CEP95: variants seen among roughly 807,000 people sequenced by gnomAD.
CEP95 encodes the protein centrosomal protein 95, also known as centrosomal protein of 95 kDa.
In CEP95, 98 loss-of-function variants were observed where a neutral mutation model predicts 111.2. The observed-to-expected ratio is 0.88, with a 90% CI of 0.75 to 1.04. The LOEUF (loss-of-function observed/expected upper bound fraction) is 1.04, where lower values mean the gene tolerates loss of function less well. CEP95 is among the 50% of genes least tolerant of loss of function. The pLI is 0.00. For missense variants in CEP95, 1,027 were observed against 977.2 expected, an observed-to-expected ratio of 1.05 and a Z score of -0.68; for synonymous variants, 323 against 327.1, an observed-to-expected ratio of 0.99 and a Z score of 0.14.
chr17:64,508,304 T>C, intron 1 of CEP95: 1 of 992,942 alleles, frequency 1.0e-6, no homozygotes, highest in Non-Finnish European at 1.2e-6. Flanking sequence ...GTAAGGCTTA[T>C]ATAAGTAACT....
At chr17:64,520,261 GA>G (rs1294522407) in intron 6 of CEP95, among the ~76,000 whole-genome samples, 1 of 152,190 alleles carries the variant, frequency 6.6e-6, no homozygotes, top group Non-Finnish European at 1.5e-5. Flanking sequence ...TATAAGTAGA[GA>G]GGGGAATTGT....
At chr17:64,523,683 G>T (rs538011139) in intron 8 of CEP95, among the ~76,000 whole-genome samples, 1 of 152,182 alleles carries the variant, frequency 6.6e-6, no homozygotes, top group African/African-American at 2.4e-5. Context: ...GGAGGCTCAT[G>T]TGAGTGCCAG....
At chr17:64,519,803 A>G (rs1967173667) in intron 6 of CEP95, among the ~76,000 whole-genome samples, 3 of 152,276 alleles carry the variant, frequency 2.0e-5, no homozygotes, top group East Asian at 3.9e-4. Context: ...ATAAGTTCGT[A>G]TATGCAGTAG....
chr17:64,514,557 A>G, intron 4 of CEP95, 199 bp downstream of exon 4: 1 of 426,832 alleles, frequency 2.3e-6, no homozygotes, highest in Non-Finnish European at 4.2e-6. Context: ...TTCTTTATCA[A>G]CTTGGATGTT....
chr17:64,520,171 T>C (rs1165902494), intron 6 of CEP95, among the ~76,000 whole-genome samples: 1 of 152,170 alleles, frequency 6.6e-6, no homozygotes, highest in Non-Finnish European at 1.5e-5. Context: ...GAAGGGATGG[T>C]GATTGCAGAA....
rs782718659 is a variant in CEP95 at position 64,510,165 on chromosome 17, C to G, written c.149-8C>G. 8 of 1,549,670 alleles carry G rather than the reference C, an allele frequency of 5.2e-6. No homozygotes were observed. In the East Asian group the frequency reaches 6.8e-5, roughly 13 times the overall value. On this transcript the variant is annotated splice_polypyrimidine_tract_variant and splice_region_variant and intron_variant, in intron 2 of 19. Transcript: ENST00000556440. ...GATACAAAATTATGTGATTTTTTCCCCCCCCAGACCTCATAGTTATTCCTA... is the reference window on the plus strand; with the variant it reads ...GATACAAAATTATGTGATTTTTTCCGCCCCCAGACCTCATAGTTATTCCTA...
intron 1 of CEP95, 123 bp downstream of exon 1, chr17:64,507,239 C>A: frequency 6.6e-7 from 1 of 1,520,610 alleles, no homozygotes; most frequent in South Asian, 1.2e-5. Context: ...GACGCCGCGT[C>A]GCGCTGGCGG....
At chr17:64,508,510 G>C in intron 1 of CEP95, 82 bp from the exon 2 acceptor site, 2 of 1,236,796 alleles carry the variant, frequency 1.6e-6, no homozygotes, top group Non-Finnish European at 2.1e-6. Flanking sequence ...TGTTGGGGGG[G>C]AGGTTGTTGG....
chr17:64,522,985 T>G, intron 8 of CEP95, 90 bp downstream of exon 8: 1 of 849,178 alleles, frequency 1.2e-6, no homozygotes, highest in East Asian at 2.9e-5. Context: ...AGGCCGTGTG[T>G]GTGTATGTGT....
Position 64,525,722 on chromosome 17 carries a change from T to G in CEP95, c.910-48T>G, listed in dbSNP as rs782787098. On this transcript the variant is annotated intron_variant, in intron 8 of 19. Transcript: ENST00000556440. ...TTCCTCACTCCCAGAAAGTTCATGT[T>G]TCTTATTTGTAGCTTTTTCAAATCA... 14 of 1,257,526 alleles carry G rather than the reference T, an allele frequency of 1.1e-5. No homozygotes were observed. In the Admixed American group the frequency reaches 2.9e-4, roughly 26 times the overall value. 77.9% of individuals were successfully genotyped at this position (1,257,526 alleles called of 1,614,324 possible).
intron 11 of CEP95, among the ~76,000 whole-genome samples, chr17:64,527,814 CTGCTGGACA>C (rs1967944935): frequency 6.6e-6 from 1 of 150,960 alleles, no homozygotes; most frequent in Non-Finnish European, 1.5e-5. Context: ...ATTTCCCCTA[CTGCTGGACA>C]TGACTGAGTT....
At chr17:64,514,171 T>C (rs1440975592) in intron 3 of CEP95, 77 bp from the exon 4 acceptor site, 4 of 614,414 alleles carry the variant, frequency 6.5e-6, no homozygotes, top group Middle Eastern at 4.3e-4. Context: ...TTCACAATGT[T>C]ATATCCAAGT....
Position 64,518,731 on chromosome 17 carries a change from A to G in CEP95, c.474-590A>G, listed in dbSNP as rs186676614. 4.9e-4 allele frequency among the ~76,000 whole-genome samples: 75 copies of G among 151,832 alleles called. No homozygotes were observed. The East Asian group carries it at 0.014, about 27-fold the overall frequency. On this transcript the variant is annotated intron_variant, in intron 5 of 19. Transcript: ENST00000556440. ...GTTTTGCTCTTGTTGCCCAGGCTGG[A>G]GTGCAGTGGTGCAATCTCGGCTCAC...
chr17:64,507,456 A>G (rs2144306637), intron 1 of CEP95: 2 of 1,316,160 alleles, frequency 1.5e-6, no homozygotes, highest in South Asian at 3.6e-5. Flanking sequence ...CCGCCCTTGC[A>G]CTATGGGCCC....
chr17:64,534,681 G>GATT lies in CEP95; in HGVS notation c.2017_2019dup (p.Tyr673dup). 6.2e-7 allele frequency: 1 copy of GATT among 1,613,390 alleles called. No individual in the cohort carries two copies. The highest frequency in any genetic ancestry group is 8.5e-7 in the Non-Finnish European group (1 of 1,179,576). ...CGTTCGTGCTCGAAAATATTATGATGATTATAGAGTTCAGTTGTGTGCAAA... is the reference window on the plus strand; with the variant it reads ...CGTTCGTGCTCGAAAATATTATGATGATTATTATAGAGTTCAGTTGTGTGCAAA... On this transcript the variant is annotated inframe_insertion, in exon 17 of 20. Transcript: ENST00000556440.
Position 64,529,399 on chromosome 17 carries a change from A to G in CEP95, c.1418A>G (p.Glu473Gly). ...AGAAAAAGGCAGCGCAAGCCAAGAG[A>G]AACAGATGTCCGCCAATTCCAAGCA... ...LERKRQRKPR[E>G]TDVRQFQAQA... Residue 473 changes from glutamate (E) to glycine (G), a missense_variant, in exon 12 of 20, where the codon GAA (glutamate) becomes GGA (glycine). By Grantham distance (98) the Glu-to-Gly change is moderately conservative (BLOSUM62 -2). Coordinates refer to ENST00000556440, the MANE Select transcript of CEP95 (RefSeq NM_138363.3). The G allele has an allele frequency of 1.2e-6, 2 of 1,613,842 alleles. No homozygotes were observed. The highest frequency in any genetic ancestry group is 1.7e-6 in the Non-Finnish European group (2 of 1,179,798).
intron 17 of CEP95, 186 bp from the exon 18 acceptor site, chr17:64,536,416 T>G: frequency 2.3e-6 from 1 of 425,950 alleles, no homozygotes; most frequent in South Asian, 3.5e-5. Flanking sequence ...CCCACTACAC[T>G]CCAGCCTGGG....
chr17:64,508,174 T>A, intron 1 of CEP95: 1 of 985,458 alleles, frequency 1.0e-6, no homozygotes, highest in Non-Finnish European at 1.2e-6. Flanking sequence ...CCAATACTAT[T>A]GCAAGTGCGA....
intron 8 of CEP95, among the ~76,000 whole-genome samples, chr17:64,523,495 T>C (rs1328826521): frequency 6.6e-6 from 1 of 152,158 alleles, no homozygotes; most frequent in Non-Finnish European, 1.5e-5. Flanking sequence ...ATTGATCTAT[T>C]TGGTTCAATT....
Sources: gnomAD v4.1 joint callset for allele counts (sites outside exome capture counted in the v4.1 genomes callset) on GRCh38, gnomAD v4.1.1 for gene constraint, MANE v1.5 for transcripts, NCBI Gene and HGNC (gene_info 2026-07-23, HGNC 2026-07-21) for gene names.